AAK1: variants seen among roughly 807,000 people sequenced by gnomAD.
The protein encoded by AAK1 is AP2 associated kinase 1, also known as AP2-associated protein kinase 1.
AAK1 carries 37 observed loss-of-function variants against 116.0 expected under a neutral mutation model. The ratio of observed to expected loss-of-function variants is 0.32; its 90% CI spans 0.25 to 0.42. The LOEUF is 0.42. Among genes scored for constraint, AAK1 ranks in the 10% least tolerant of loss-of-function variants. The pLI is 1.00. For synonymous variants in AAK1, 458 were observed against 439.9 expected (o/e 1.04, Z -0.51); for missense variants, 919 against 1,170.6 (o/e 0.79, Z 3.14).
intron 10 of AAK1, among the ~76,000 whole-genome samples, chr2:69,523,380 TA>T (rs1669874798): frequency 6.6e-6 from 1 of 152,180 alleles, no homozygotes; most frequent in Non-Finnish European, 1.5e-5. Context: ...CTACGTTTAT[TA>T]AAAATCAAAG....
chr2:69,473,671 A>G lies in AAK1; in HGVS notation c.*2198T>C. 1.0e-6 allele frequency: 1 copy of G among 967,276 alleles called. No homozygotes were observed. The highest frequency in any genetic ancestry group is 1.2e-6 in the Non-Finnish European group (1 of 813,072). The allele number at this position is 967,276 out of a possible 1,614,324, so 59.9% of individuals were successfully genotyped here. ...TAGAGATACCTAATTTCTAAACTGT[A>G]CTCTTCATAGTTTCAATTAAATTGA... is the stretch of plus-strand genomic sequence containing the variant. On this transcript the variant is annotated 3_prime_UTR_variant, in exon 22 of 22. Transcript: ENST00000409085.
intron 2 of AAK1, among the ~76,000 whole-genome samples, chr2:69,620,254 T>C (rs1573014376): frequency 6.6e-6 from 1 of 152,298 alleles, no homozygotes; most frequent in East Asian, 1.9e-4. Flanking sequence ...TCTAAAAGAA[T>C]GGAATTGCAA....
chr2:69,574,421 T>C (rs1449860253), intron 2 of AAK1, among the ~76,000 whole-genome samples: 3 of 145,906 alleles, frequency 2.1e-5, no homozygotes, highest in Non-Finnish European at 3.0e-5. Flanking sequence ...GAGAGAGAGA[T>C]TGGGGCTGGG....
rs1363496340 is a variant in AAK1, at chr2:69,473,761, G to C, written c.*2108C>G. ...GAAAAAAATCAAATATGAAAACATA[G>C]AACTCAAACATTATTCTTATTTAAA... is the stretch of plus-strand genomic sequence containing the variant. On this transcript the variant is annotated 3_prime_UTR_variant, in exon 22 of 22. Coordinates refer to ENST00000409085, the MANE Select transcript of AAK1 (RefSeq NM_014911.5). 2.0e-6 allele frequency: 2 copies of C among 976,984 alleles called. No homozygotes were observed. Among genetic ancestry groups the C allele is most frequent in the African/African-American group, 3.5e-5 (2 of 56,894 alleles). The allele number at this position is 976,984 out of a possible 1,614,324, so 60.5% of individuals were successfully genotyped here.
chr2:69,611,409 C>T (rs1367109561), intron 2 of AAK1, among the ~76,000 whole-genome samples: 1 of 152,164 alleles, frequency 6.6e-6, no homozygotes, highest in Non-Finnish European at 1.5e-5. Flanking sequence ...AGACTGGGGG[C>T]TGCACTGTCA....
Position 69,506,640 on chromosome 2 carries a change from G to A in AAK1, c.2164+781C>T, listed in dbSNP as rs144979493. Among the ~76,000 whole-genome samples the A allele has an allele frequency of 3.0e-3, 463 of 152,196 alleles. 1 individual carries two copies. The highest frequency in any genetic ancestry group is 8.5e-3 in the African/African-American group (351 of 41,522). Reference sequence around the variant, plus strand: ...TCAGCCTCCCAAAGTACTGGGTTACGGGCGTGAGCCACCACACCTGGATTG... The same window carrying A: ...TCAGCCTCCCAAAGTACTGGGTTACAGGCGTGAGCCACCACACCTGGATTG... On this transcript the variant is annotated intron_variant, in intron 15 of 21. Coordinates refer to ENST00000409085, the MANE Select transcript of AAK1 (RefSeq NM_014911.5).
chr2:69,611,279 A>T (rs1247076435), intron 2 of AAK1, among the ~76,000 whole-genome samples: 2 of 152,180 alleles, frequency 1.3e-5, no homozygotes, highest in Non-Finnish European at 1.5e-5. Flanking sequence ...CTCTCTTCAC[A>T]TGCAGGACTC....
At position 69,465,488 on chromosome 2, in the gene AAK1, C is replaced by T; in HGVS notation, c.*10381G>A. ...GAGCAAATGGATCAGCAGCTGGCAGCTCCGTAGTCCTGGAGGAAAGGGATG... is the reference window on the plus strand; with the variant it reads ...GAGCAAATGGATCAGCAGCTGGCAGTTCCGTAGTCCTGGAGGAAAGGGATG... On this transcript the variant is annotated 3_prime_UTR_variant, in exon 22 of 22. Coordinates refer to ENST00000409085, the MANE Select transcript of AAK1 (RefSeq NM_014911.5). 5.4e-6 allele frequency: 7 copies of T among 1,290,902 alleles called. No homozygotes were observed. The highest frequency in any genetic ancestry group is 7.1e-6 in the Non-Finnish European group (7 of 988,896). The allele number at this position is 1,290,902 out of a possible 1,614,324, so 80.0% of individuals were successfully genotyped here.
chr2:69,599,853 C>T (rs1673481955), intron 2 of AAK1, among the ~76,000 whole-genome samples: 1 of 152,140 alleles, frequency 6.6e-6, no homozygotes, highest in Non-Finnish European at 1.5e-5. Context: ...TCACGGCTCA[C>T]TGCAGCCTTG....
Position 69,471,520 on chromosome 2 carries a change from TAG to T in AAK1, c.*4347_*4348del, listed in dbSNP as rs1358551284. ...GCTTCCATTCTAAATATTCATGTGA[TAG>T]TTTTTCTGTTCTGCCAGGCAGCCTC... On this transcript the variant is annotated 3_prime_UTR_variant, in exon 22 of 22. Transcript: ENST00000409085. 2.0e-5 allele frequency: 20 copies of T among 985,346 alleles called. No homozygotes were observed. The Admixed American group carries it at 1.2e-3, about 61-fold the overall frequency. 61.0% of individuals were successfully genotyped at this position (985,346 alleles called of 1,614,324 possible).
At chr2:69,553,757 A>G (rs1298287756) in intron 3 of AAK1, among the ~76,000 whole-genome samples, 3 of 134,746 alleles carry the variant, frequency 2.2e-5, no homozygotes, top group Non-Finnish European at 4.4e-5. Flanking sequence ...CTGAAAGTTC[A>G]AAAAAATTTA....
rs1414302122 is a variant in AAK1 at position 69,464,101 on chromosome 2, T to A, written c.*11768A>T. 1 of 152,654 alleles carries A rather than the reference T, an allele frequency of 6.6e-6. No homozygotes were observed. Among genetic ancestry groups the A allele is most frequent in the East Asian group, 1.9e-4 (1 of 5,204 alleles). The allele number at this position is 152,654 out of a possible 1,614,324, so 9.5% of individuals were successfully genotyped here. ...AAGAGGATAGAGAATGTAAAAGTTT[T>A]CATGCCTACCTGATTCAGCTCTTTT... is the stretch of plus-strand genomic sequence containing the variant. On this transcript the variant is annotated 3_prime_UTR_variant, in exon 22 of 22. Coordinates refer to ENST00000409085, the MANE Select transcript of AAK1 (RefSeq NM_014911.5).
chr2:69,580,049 G>GAGA (rs1471375710), intron 2 of AAK1, among the ~76,000 whole-genome samples: 1 of 152,088 alleles, frequency 6.6e-6, no homozygotes, highest in African/African-American at 2.4e-5. Context: ...CCTGTCTTCA[G>GAGA]AAACTCCCTC....
chr2:69,467,370 G>A lies in AAK1; in HGVS notation c.*8499C>T, dbSNP rs533850013. The stretch of plus-strand genomic sequence containing the variant: ...GGTAGAGGTGCCTCAGGGTGCTCTG[G>A]CTTTTAAAATCAAATAGACAATTAT... On this transcript the variant is annotated 3_prime_UTR_variant, in exon 22 of 22. Transcript: ENST00000409085. 4.1e-6 allele frequency: 4 copies of A among 985,368 alleles called. No individual in the cohort carries two copies. In the Admixed American group the frequency reaches 2.5e-4, roughly 61 times the overall value. 61.0% of individuals were successfully genotyped at this position (985,368 alleles called of 1,614,324 possible).
chr2:69,614,537 C>G (rs1674232169), intron 2 of AAK1, among the ~76,000 whole-genome samples: 1 of 152,168 alleles, frequency 6.6e-6, no homozygotes, highest in African/African-American at 2.4e-5. Context: ...GCTTCCTTCT[C>G]TCCCAACCAG....
intron 2 of AAK1, among the ~76,000 whole-genome samples, chr2:69,621,167 G>A (rs1247533560): frequency 6.6e-6 from 1 of 152,208 alleles, no homozygotes; most frequent in Non-Finnish European, 1.5e-5. Flanking sequence ...CAAGTATATA[G>A]TAGAGTCGAG....
At chr2:69,621,618 C>T (rs879311254) in intron 2 of AAK1, among the ~76,000 whole-genome samples, 1 of 152,196 alleles carries the variant, frequency 6.6e-6, no homozygotes. Flanking sequence ...TTGGTTTAGG[C>T]CACAAGGTTT....
chr2:69,589,520 C>T (rs1361388232), intron 2 of AAK1, among the ~76,000 whole-genome samples: 1 of 151,830 alleles, frequency 6.6e-6, no homozygotes, highest in Non-Finnish European at 1.5e-5. Flanking sequence ...ACCAGCCTGA[C>T]CAATATGATG....
intron 9 of AAK1, among the ~76,000 whole-genome samples, chr2:69,526,745 T>G (rs1233606689): frequency 6.6e-6 from 1 of 151,190 alleles, no homozygotes; most frequent in African/African-American, 2.4e-5. Context: ...GAAAGAGGAG[T>G]GTGAGTTATA....
Sources: gnomAD v4.1 joint callset for allele counts (sites outside exome capture counted in the v4.1 genomes callset) on GRCh38, gnomAD v4.1.1 for gene constraint, MANE v1.5 for transcripts, NCBI Gene and HGNC (gene_info 2026-07-23, HGNC 2026-07-21) for gene names.